DYM: variants seen among roughly 807,000 people sequenced by gnomAD.
The protein encoded by DYM is dyggve-Melchior-Clausen syndrome protein.
A neutral mutation model predicts 93.1 loss-of-function variants in DYM; 78 were observed. The observed-to-expected ratio is 0.84, with a 90% confidence interval of 0.70 to 1.01. DYM has a LOEUF of 1.01. DYM is among the 50% of genes least tolerant of loss of function. The pLI is 0.00. For missense variants in DYM, 789 were observed against 845.0 expected (o/e 0.93, Z 0.82); for synonymous variants, 321 against 319.7 (o/e 1.00, Z -0.04).
In DYM at chr18:49,270,922, A is replaced by G. The variant is rs2145498344; in HGVS notation, c.1251+1256T>C. ...AAAGCCCTGCCCCCTTCTCCTATAG[A>G]ACCCCTAGCAAGGAGACTGGAAGAA... On this transcript the variant is annotated intron_variant, in intron 11 of 17. Transcript: ENST00000675505. Among the ~76,000 whole-genome samples, 3 of 152,260 alleles carry G rather than the reference A, an allele frequency of 2.0e-5. No homozygotes were observed. In the South Asian group the frequency reaches 6.2e-4, roughly 32 times the overall value.
At chr18:49,107,286 T>G (rs1430968056) in intron 16 of DYM, among the ~76,000 whole-genome samples, 2 of 152,164 alleles carry the variant, frequency 1.3e-5, no homozygotes. Flanking sequence ...TGTGCATTGG[T>G]TATTCTAGTT....
chr18:49,047,147 A>G (rs1174610894), intron 17 of DYM, among the ~76,000 whole-genome samples: 1 of 152,120 alleles, frequency 6.6e-6, no homozygotes, highest in Non-Finnish European at 1.5e-5. Flanking sequence ...GCAGCTCCCC[A>G]CTTTGTGGCT....
At chr18:49,333,440 T>C (rs1445910871) in intron 7 of DYM, among the ~76,000 whole-genome samples, 10 of 152,156 alleles carry the variant, frequency 6.6e-5, no homozygotes, top group South Asian at 4.1e-4. Context: ...TGCTTAAACA[T>C]AGACAGAATG....
intron 14 of DYM, among the ~76,000 whole-genome samples, chr18:49,187,128 C>T (rs1057365476): frequency 2.0e-5 from 3 of 152,134 alleles, no homozygotes; most frequent in Non-Finnish European, 2.9e-5. Flanking sequence ...ACTGTGTTAG[C>T]CAGGATAGTC....
intron 12 of DYM, among the ~76,000 whole-genome samples, chr18:49,257,950 C>G (rs1471379450): frequency 6.6e-6 from 1 of 152,102 alleles, no homozygotes; most frequent in Non-Finnish European, 1.5e-5. Flanking sequence ...CTGAAATTTG[C>G]TCCCAGGTAC....
intron 11 of DYM, among the ~76,000 whole-genome samples, chr18:49,269,552 G>A (rs781740181): frequency 2.6e-5 from 4 of 152,168 alleles, no homozygotes; most frequent in Non-Finnish European, 4.4e-5. Flanking sequence ...CACAGCCAGA[G>A]AGTCCGTCGA....
intron 8 of DYM, among the ~76,000 whole-genome samples, chr18:49,289,772 T>TCC (rs1555678750): frequency 1.1e-3 from 40 of 36,646 alleles, no homozygotes; most frequent in African/African-American, 4.6e-3. Flanking sequence ...TATATATATA[T>TCC]ACACATATAT....
At chr18:49,136,209 G>C (rs978935073) in intron 15 of DYM, among the ~76,000 whole-genome samples, 14 of 152,182 alleles carry the variant, frequency 9.2e-5, no homozygotes, top group African/African-American at 3.1e-4. Context: ...TTTAAAAACA[G>C]TTTGAAAGTC....
intron 8 of DYM, among the ~76,000 whole-genome samples, chr18:49,311,655 C>G (rs922650052): frequency 1.4e-5 from 2 of 145,226 alleles, no homozygotes; most frequent in African/African-American, 5.1e-5. Context: ...CATGTTCTCA[C>G]TCATAGGTGG....
chr18:49,170,878 G>T (rs1215335843), intron 14 of DYM, among the ~76,000 whole-genome samples: 1 of 151,072 alleles, frequency 6.6e-6, no homozygotes, highest in Non-Finnish European at 1.5e-5. Flanking sequence ...ATAAGAAGTA[G>T]GAGAAGAACT....
intron 8 of DYM, among the ~76,000 whole-genome samples, chr18:49,306,451 G>A (rs1432834430): frequency 6.6e-6 from 1 of 152,190 alleles, no homozygotes; most frequent in African/African-American, 2.4e-5. Context: ...GAACTGGGAT[G>A]TGTGAATTCT....
chr18:49,099,175 G>A (rs1043359398), intron 16 of DYM, among the ~76,000 whole-genome samples: 35 of 152,150 alleles, frequency 2.3e-4, no homozygotes, highest in African/African-American at 8.2e-4. Context: ...AAAGTAGATA[G>A]ATGTTACATA....
chr18:49,152,341 A>G (rs1039142276), intron 15 of DYM, among the ~76,000 whole-genome samples: 2 of 152,182 alleles, frequency 1.3e-5, no homozygotes, highest in Non-Finnish European at 2.9e-5. Flanking sequence ...GGAGCCCTCC[A>G]ACTCAATATT....
At chr18:49,291,481 G>A (rs1376049136) in intron 8 of DYM, among the ~76,000 whole-genome samples, 1 of 152,110 alleles carries the variant, frequency 6.6e-6, no homozygotes, top group Non-Finnish European at 1.5e-5. Context: ...GAGCTGTTAT[G>A]GGGGAAGGGG....
At chr18:49,134,182 T>C (rs962859661) in intron 15 of DYM, among the ~76,000 whole-genome samples, 1 of 152,174 alleles carries the variant, frequency 6.6e-6, no homozygotes, top group Non-Finnish European at 1.5e-5. Context: ...TTCAACTTTT[T>C]TGTATATTTG....
At chr18:49,375,124 G>C (rs1483989551) in intron 5 of DYM, among the ~76,000 whole-genome samples, 1 of 151,240 alleles carries the variant, frequency 6.6e-6, no homozygotes, top group Admixed American at 6.6e-5. Context: ...TTTTATCCAA[G>C]GGAAATACTC....
chr18:49,327,788 C>T (rs2146732369), intron 8 of DYM, among the ~76,000 whole-genome samples: 1 of 152,346 alleles, frequency 6.6e-6, no homozygotes, highest in South Asian at 2.1e-4. Flanking sequence ...AAATGACAGA[C>T]ATCATTCTTA....
At chr18:49,375,937 A>G (rs2067466408) in intron 5 of DYM, among the ~76,000 whole-genome samples, 1 of 152,114 alleles carries the variant, frequency 6.6e-6, no homozygotes, top group South Asian at 2.1e-4. Context: ...ACTGGACTCC[A>G]GATTCTTCTG....
chr18:49,326,464 T>G (rs1183772153), intron 8 of DYM, among the ~76,000 whole-genome samples: 1 of 151,668 alleles, frequency 6.6e-6, no homozygotes, highest in Non-Finnish European at 1.5e-5. Context: ...CTTGACACAT[T>G]TGAAAAGCTT....
Sources: allele counts gnomAD v4.1 joint callset (sites outside exome capture counted in the v4.1 genomes callset), GRCh38; gene constraint gnomAD v4.1.1; transcripts MANE v1.5; gene names NCBI Gene and HGNC (gene_info 2026-07-23, HGNC 2026-07-21).